LRRC4C: variants seen among roughly 807,000 people sequenced by gnomAD.
LRRC4C encodes the protein leucine rich repeat containing 4C.
In LRRC4C, 5 loss-of-function variants were observed where a neutral mutation model predicts 33.6. The observed-to-expected ratio is 0.15, with a 90% CI of 0.08 to 0.31. The LOEUF (loss-of-function observed/expected upper bound fraction) is 0.31, where lower values mean the gene tolerates loss of function less well. LRRC4C is among the 10% of genes least tolerant of loss of function. LRRC4C has a pLI of 1.00. For synonymous variants in LRRC4C, 329 were observed against 302.0 expected (o/e 1.09, Z -0.93); for missense variants, 560 against 796.7 (o/e 0.70, Z 3.58).
At chr11:40,858,984 T>G (rs960875793) in intron 2 of LRRC4C, among the ~76,000 whole-genome samples, 1 of 152,182 alleles carries the variant, frequency 6.6e-6, no homozygotes, top group Non-Finnish European at 1.5e-5. Flanking sequence ...GCAAGATACC[T>G]GAGAATCATC....
At chr11:40,977,022 A>G (rs1443669053) in intron 1 of LRRC4C, among the ~76,000 whole-genome samples, 1 of 152,152 alleles carries the variant, frequency 6.6e-6, no homozygotes, top group Admixed American at 6.5e-5. Context: ...AGATGGTCCC[A>G]TCTGGGGCTG....
chr11:40,723,821 T>A (rs10837485), intron 2 of LRRC4C, among the ~76,000 whole-genome samples: 1 of 151,810 alleles, frequency 6.6e-6, no homozygotes, highest in Non-Finnish European at 1.5e-5. Flanking sequence ...CGGCAAATAG[T>A]ATTAAAAAAC....
chr11:41,183,114 G>C (rs538359448), intron 1 of LRRC4C, among the ~76,000 whole-genome samples: 1 of 152,196 alleles, frequency 6.6e-6, no homozygotes, highest in South Asian at 2.1e-4. Flanking sequence ...CGTGGGAATT[G>C]TGAGTTACAA....
chr11:41,090,299 G>T (rs1318277178), intron 1 of LRRC4C, among the ~76,000 whole-genome samples: 3 of 151,984 alleles, frequency 2.0e-5, no homozygotes, highest in Non-Finnish European at 4.4e-5. Flanking sequence ...ATACATCATG[G>T]TGTTCACATC....
At chr11:41,332,945 A>G (rs976121899) in intron 1 of LRRC4C, among the ~76,000 whole-genome samples, 1 of 152,314 alleles carries the variant, frequency 6.6e-6, no homozygotes, top group East Asian at 1.9e-4. Flanking sequence ...GGCTGAAACT[A>G]TCTTTGAAAT....
chr11:40,390,287 G>T (rs1949285751), intron 3 of LRRC4C, among the ~76,000 whole-genome samples: 1 of 152,140 alleles, frequency 6.6e-6, no homozygotes, highest in African/African-American at 2.4e-5. Flanking sequence ...TCTCATTAAA[G>T]AAAACAAGGA....
At chr11:40,335,712 C>A (rs1288595381) in intron 3 of LRRC4C, among the ~76,000 whole-genome samples, 1 of 152,172 alleles carries the variant, frequency 6.6e-6, no homozygotes, top group Non-Finnish European at 1.5e-5. Context: ...TATAAGGGTG[C>A]CTATCTCGAA....
chr11:41,128,278 T>C (rs1044544619), intron 1 of LRRC4C, among the ~76,000 whole-genome samples: 2 of 148,392 alleles, frequency 1.3e-5, no homozygotes, highest in Admixed American at 1.4e-4. Flanking sequence ...AAAAAAAAAA[T>C]CATTTCTATT....
At chr11:40,910,609 G>A (rs1592064086) in intron 2 of LRRC4C, among the ~76,000 whole-genome samples, 1 of 152,186 alleles carries the variant, frequency 6.6e-6, no homozygotes, top group Non-Finnish European at 1.5e-5. Flanking sequence ...CCAGTCTACA[G>A]CTCCCAGCGT....
At chr11:40,150,674 G>A (rs1201398022) in intron 5 of LRRC4C, among the ~76,000 whole-genome samples, 1 of 151,988 alleles carries the variant, frequency 6.6e-6, no homozygotes, top group African/African-American at 2.4e-5. Flanking sequence ...AAACCCCTGA[G>A]GCTCAAGAAA....
chr11:41,395,998 C>G (rs757232690), intron 1 of LRRC4C, among the ~76,000 whole-genome samples: 5 of 152,012 alleles, frequency 3.3e-5, no homozygotes, highest in African/African-American at 1.2e-4. Context: ...TTGAATGCGG[C>G]CCAACACAAG....
chr11:40,553,073 C>G (rs1454177018), intron 3 of LRRC4C, among the ~76,000 whole-genome samples: 2 of 152,080 alleles, frequency 1.3e-5, no homozygotes, highest in African/African-American at 2.4e-5. Flanking sequence ...CAGTTCAAAA[C>G]CAGCCTGGCC....
chr11:41,052,882 C>A (rs1470036695), intron 1 of LRRC4C, among the ~76,000 whole-genome samples: 1 of 152,074 alleles, frequency 6.6e-6, no homozygotes, highest in Non-Finnish European at 1.5e-5. Flanking sequence ...AAGTTGGCAA[C>A]CTAATATCAA....
chr11:40,610,056 C>T (rs895581286), intron 3 of LRRC4C, among the ~76,000 whole-genome samples: 1 of 151,818 alleles, frequency 6.6e-6, no homozygotes, highest in Admixed American at 6.6e-5. Context: ...GCCAGCATTA[C>T]CAAAGTCAGA....
intron 2 of LRRC4C, among the ~76,000 whole-genome samples, chr11:40,733,893 C>A (rs982700572): frequency 1.3e-5 from 2 of 152,056 alleles, no homozygotes; most frequent in Non-Finnish European, 2.9e-5. Flanking sequence ...ATGACAGGAT[C>A]CTTAAATTTT....
At chr11:41,196,588 G>A (rs1369214904) in intron 1 of LRRC4C, among the ~76,000 whole-genome samples, 1 of 151,858 alleles carries the variant, frequency 6.6e-6, no homozygotes, top group Non-Finnish European at 1.5e-5. Flanking sequence ...TATTAATTTG[G>A]GCAGTTCTAT....
At chr11:40,441,381 TA>T (rs753579197) in intron 3 of LRRC4C, among the ~76,000 whole-genome samples, 1 of 152,130 alleles carries the variant, frequency 6.6e-6, no homozygotes, top group African/African-American at 2.4e-5. Flanking sequence ...GATGCAAAGA[TA>T]AAAAAACAAC....
intron 1 of LRRC4C, among the ~76,000 whole-genome samples, chr11:40,971,286 G>T (rs1197587903): frequency 6.6e-6 from 1 of 152,168 alleles, no homozygotes; most frequent in Non-Finnish European, 1.5e-5. Context: ...GGGCCTCTCT[G>T]CCCTGCACAT....
chr11:41,009,255 T>C (rs1854995814), intron 1 of LRRC4C, among the ~76,000 whole-genome samples: 1 of 151,930 alleles, frequency 6.6e-6, no homozygotes, highest in African/African-American at 2.4e-5. Context: ...AATATATATA[T>C]ATGTTTTGAA....
Sources: gnomAD v4.1 joint callset for allele counts (sites outside exome capture counted in the v4.1 genomes callset) on GRCh38, gnomAD v4.1.1 for gene constraint, MANE v1.5 for transcripts, NCBI Gene and HGNC (gene_info 2026-07-23, HGNC 2026-07-21) for gene names.